KPNA5: variants seen among roughly 807,000 people sequenced by gnomAD.
KPNA5 encodes importin subunit alpha-6.
KPNA5 carries 46 observed loss-of-function variants against 71.3 expected under a neutral mutation model. The observed-to-expected ratio is 0.65, with a 90% CI of 0.51 to 0.83. The LOEUF (loss-of-function observed/expected upper bound fraction) is 0.83. Among genes scored for constraint, KPNA5 ranks in the 40% least tolerant of loss-of-function variants. The pLI is 0.00. For synonymous variants in KPNA5, 207 were observed against 201.4 expected, an observed-to-expected ratio of 1.03 and a Z score of -0.24; for missense variants, 547 against 628.3, an observed-to-expected ratio of 0.87 and a Z score of 1.38.
chr6:116,683,261 A>G (rs950882176), intron 1 of KPNA5, among the ~76,000 whole-genome samples: 1 of 152,244 alleles, frequency 6.6e-6, no homozygotes, highest in Non-Finnish European at 1.5e-5. Context: ...AAATAAATAT[A>G]TTGAGGATGA....
At chr6:116,683,616 G>T (rs1263548530) in intron 1 of KPNA5, among the ~76,000 whole-genome samples, 1 of 151,836 alleles carries the variant, frequency 6.6e-6, no homozygotes, top group Non-Finnish European at 1.5e-5. Context: ...GTCTCACTCT[G>T]TGGCCCAGGC....
intron 2 of KPNA5, among the ~76,000 whole-genome samples, chr6:116,690,335 G>C (rs1375099856): frequency 6.6e-6 from 1 of 152,182 alleles, no homozygotes; most frequent in African/African-American, 2.4e-5. Context: ...TTGAATAAAT[G>C]ATTAGAAGGA....
chr6:116,728,610 A>G (rs1329693549), intron 12 of KPNA5, among the ~76,000 whole-genome samples: 1 of 152,112 alleles, frequency 6.6e-6, no homozygotes, highest in Non-Finnish European at 1.5e-5. Context: ...ACAGTACAGT[A>G]TAGGGCAAAT....
At chr6:116,695,510 C>T (rs892161972) in intron 4 of KPNA5, among the ~76,000 whole-genome samples, 1 of 152,084 alleles carries the variant, frequency 6.6e-6, no homozygotes. Flanking sequence ...TGAAAACGCC[C>T]TTAGCTCAAC....
chr6:116,681,647 A>G (rs1412141265), intron 1 of KPNA5: 3 of 758,836 alleles, frequency 4.0e-6, no homozygotes, highest in South Asian at 4.9e-5. Context: ...AGTTCTTTTC[A>G]GTTAATGGAA....
chr6:116,696,542 G>A (rs1166785690), intron 4 of KPNA5, among the ~76,000 whole-genome samples: 1 of 152,066 alleles, frequency 6.6e-6, no homozygotes, highest in Non-Finnish European at 1.5e-5. Flanking sequence ...AGTCTGCGAC[G>A]GTGACCTTTT....
chr6:116,690,008 G>A (rs1033969698), intron 2 of KPNA5, among the ~76,000 whole-genome samples: 1 of 152,132 alleles, frequency 6.6e-6, no homozygotes, highest in Non-Finnish European at 1.5e-5. Context: ...AAAATAATGT[G>A]GTTCTCACAC....
intron 4 of KPNA5, among the ~76,000 whole-genome samples, chr6:116,697,899 A>G (rs1223792512): frequency 6.6e-6 from 1 of 152,030 alleles, no homozygotes; most frequent in Non-Finnish European, 1.5e-5. Context: ...ATATGGTCTG[A>G]AATCTAGGAA....
rs1330963268 is a variant in KPNA5, at chr6:116,737,708, T to C, written c.*5385T>C. The C allele has an allele frequency of 1.3e-5, 2 of 151,958 alleles. No individual in the cohort carries two copies. Among genetic ancestry groups the C allele is most frequent in the East Asian group, 1.9e-4 (1 of 5,188 alleles). 9.4% of individuals were successfully genotyped at this position (151,958 alleles called of 1,614,324 possible). A position where few individuals can be genotyped will look rare whatever the true frequency, so the allele number is the denominator to read the frequency against. On this transcript the variant is annotated 3_prime_UTR_variant, in exon 14 of 14. Transcript: ENST00000368564. The stretch of plus-strand genomic sequence containing the variant: ...TTTGTCCTGGTCCCTATTACTCTAG[T>C]TTGGCTTAAAGCAGAAGTTAGCATA...
intron 1 of KPNA5, among the ~76,000 whole-genome samples, chr6:116,684,138 C>G (rs972776846): frequency 5.3e-5 from 8 of 151,842 alleles, no homozygotes; most frequent in African/African-American, 1.5e-4. Context: ...GTCTTGAACT[C>G]CTGACCTCAA....
chr6:116,694,437 T>C (rs1386963632), intron 4 of KPNA5, among the ~76,000 whole-genome samples: 1 of 152,166 alleles, frequency 6.6e-6, no homozygotes, highest in Non-Finnish European at 1.5e-5. Context: ...TAGTTCTCCT[T>C]GAAGAGGTCC....
intron 5 of KPNA5, 68 bp from the exon 6 acceptor site, chr6:116,701,951 C>G (rs1778246723): frequency 1.3e-6 from 2 of 1,493,024 alleles, no homozygotes; most frequent in South Asian, 1.3e-5. Flanking sequence ...TACTCCCTCT[C>G]TTTCCTTCTT....
At chr6:116,700,320 A>C (rs1778181352) in intron 5 of KPNA5, among the ~76,000 whole-genome samples, 1 of 152,128 alleles carries the variant, frequency 6.6e-6, no homozygotes, top group African/African-American at 2.4e-5. Context: ...AAAAATAAAA[A>C]TTAGCTGAGT....
chr6:116,691,978 A>G, intron 2 of KPNA5, 77 bp from the exon 3 acceptor site: 1 of 927,576 alleles, frequency 1.1e-6, no homozygotes, highest in Non-Finnish European at 1.7e-6. Context: ...GTCCACTCAA[A>G]TGAAAACATG....
intron 1 of KPNA5, 23 bp downstream of exon 1, chr6:116,681,361 T>C (rs749821684): frequency 1.3e-6 from 2 of 1,583,278 alleles, no homozygotes; most frequent in African/African-American, 1.4e-5. Context: ...GAACACGGGC[T>C]AGGTTGGGGG....
Position 116,692,209 on chromosome 6 carries a change from G to A in KPNA5, c.240+53G>A. 5 of 1,436,778 alleles carry A rather than the reference G, an allele frequency of 3.5e-6. No individual in the cohort carries two copies. The South Asian group carries it at 4.8e-5, about 14-fold the overall frequency. 89.0% of individuals were successfully genotyped at this position (1,436,778 alleles called of 1,614,324 possible). Reference sequence around the variant, plus strand: ...TTATACCTCAATAATTTTAGCAATAGTATGTATAACAAATATTTATGCATG... The same window carrying A: ...TTATACCTCAATAATTTTAGCAATAATATGTATAACAAATATTTATGCATG... On this transcript the variant is annotated intron_variant, in intron 3 of 13. Transcript: ENST00000368564.
At chr6:116,700,923 C>T (rs1012954358) in intron 5 of KPNA5, among the ~76,000 whole-genome samples, 2 of 152,070 alleles carry the variant, frequency 1.3e-5, no homozygotes, top group Non-Finnish European at 2.9e-5. Flanking sequence ...GCTTATCACT[C>T]GTTTTATGTT....
Position 116,729,544 on chromosome 6 carries a change from C to T in KPNA5, c.1254-19C>T. 3 of 1,416,554 alleles carry T rather than the reference C, an allele frequency of 2.1e-6. No individual in the cohort carries two copies. Among genetic ancestry groups the T allele is most frequent in the South Asian group, 1.7e-5 (1 of 57,992 alleles). 87.7% of individuals were successfully genotyped at this position (1,416,554 alleles called of 1,614,324 possible). ...AAATCTTTTTTTCCCTGTTTCTTCT[C>T]TTTTATATTAATCTGAAGGTATTTG... is the stretch of plus-strand genomic sequence containing the variant. On this transcript the variant is annotated intron_variant, in intron 12 of 13. Coordinates refer to ENST00000368564, the MANE Select transcript of KPNA5 (RefSeq NM_001366306.2).
chr6:116,730,798 G>T (rs1424287209), intron 13 of KPNA5, among the ~76,000 whole-genome samples: 1 of 151,214 alleles, frequency 6.6e-6, no homozygotes, highest in African/African-American at 2.4e-5. Context: ...TTTTTCATGA[G>T]TTAGTCTGTG....
Sources: allele counts gnomAD v4.1 joint callset (sites outside exome capture counted in the v4.1 genomes callset), GRCh38; gene constraint gnomAD v4.1.1; transcripts MANE v1.5; gene names NCBI Gene and HGNC (gene_info 2026-07-23, HGNC 2026-07-21).